GLB1L3: variants seen among roughly 807,000 people sequenced by gnomAD.
GLB1L3 encodes beta-galactosidase-1-like protein 3.
In GLB1L3, 89 loss-of-function variants were observed where a neutral mutation model predicts 89.5. The ratio of observed to expected loss-of-function variants is 0.99; its 90% CI spans 0.84 to 1.19. The LOEUF (loss-of-function observed/expected upper bound fraction) is 1.19. Ranked by LOEUF, GLB1L3 falls within the 50% of genes most tolerant of loss-of-function variation. The pLI is 0.00. For synonymous variants in GLB1L3, 314 were observed against 312.3 expected (o/e 1.01, Z -0.06); for missense variants, 812 against 813.3 (o/e 1.00, Z 0.02).
intron 6 of GLB1L3, among the ~76,000 whole-genome samples, chr11:134,288,205 A>G (rs1302787139): frequency 6.6e-6 from 1 of 152,214 alleles, no homozygotes; most frequent in Non-Finnish European, 1.5e-5. Flanking sequence ...AAAGCAAGAA[A>G]GCAGGAGATG....
At chr11:134,320,582 T>G (rs1158036735), downstream of GLB1L3, among the ~76,000 whole-genome samples, 1 of 152,218 alleles carries the variant, frequency 6.6e-6, no homozygotes, top group African/African-American at 2.4e-5. Flanking sequence ...TGGCACCTCC[T>G]CTTTCGCTAC....
At position 134,309,726 on chromosome 11, in the gene GLB1L3, A is replaced by G. The variant is rs149051960; in HGVS notation, c.1062A>G (p.Thr354=). ...ACTTTGGTTTCATGAACGGGGCCAC[A>G]TATTTCGGGAAGCACTCGGGCATTG... is the stretch of plus-strand genomic sequence containing the variant. ...GTNFGFMNGA[T]YFGKHSGIVT... Residue 354 remains threonine (T), a synonymous_variant, in exon 11 of 20, where the codon ACA becomes ACG. Coordinates refer to ENST00000431683, the MANE Select transcript of GLB1L3 (RefSeq NM_001080407.3). 5.0e-6 allele frequency: 8 copies of G among 1,613,596 alleles called. No homozygotes were observed. In the East Asian group the frequency reaches 6.7e-5, roughly 13 times the overall value.
intron 14 of GLB1L3, 138 bp downstream of exon 14, chr11:134,312,627 C>A: frequency 8.6e-7 from 1 of 1,166,314 alleles, no homozygotes; most frequent in Non-Finnish European, 1.2e-6. Flanking sequence ...AAAAGTCAGG[C>A]CAAATAGACT....
intron 9 of GLB1L3, among the ~76,000 whole-genome samples, chr11:134,303,064 G>A (rs1186205516): frequency 6.6e-6 from 1 of 152,166 alleles, no homozygotes. Context: ...TCATGGACAT[G>A]AAATTTTATC....
Position 134,293,150 on chromosome 11 carries a change from G to A in GLB1L3, c.817G>A (p.Ala273Thr). The A allele has an allele frequency of 6.2e-7, 1 of 1,613,576 alleles. No homozygotes were observed. The highest frequency in any genetic ancestry group is 1.3e-5 in the African/African-American group (1 of 75,000). ...TCTCTCTCTTCTTTATGCAGTGTTGGCCGCCATCAATTTGCAAAAACTTCA... is the reference window on the plus strand; with the variant it reads ...TCTCTCTCTTCTTTATGCAGTGTTGACCGCCATCAATTTGCAAAAACTTCA... ...VLSGHTKGVLAAINLQKLHQD... is the reference protein window; with the variant it reads ...VLSGHTKGVLTAINLQKLHQD... The change falls in exon 9 of 20, where the codon GCC (alanine) becomes ACC (threonine). Residue 273 changes from alanine (A) to threonine (T), a missense_variant. Transcript: ENST00000431683.
intron 10 of GLB1L3, among the ~76,000 whole-genome samples, chr11:134,308,486 CCA>C (rs1942484091): frequency 5.3e-4 from 5 of 9,420 alleles, no homozygotes; most frequent in Admixed American, 1.2e-3. Context: ...ACCACCACCA[CCA>C]TCACCACCAA....
intron 10 of GLB1L3, among the ~76,000 whole-genome samples, chr11:134,308,472 A>AC (rs761214840): frequency 2.0e-4 from 1 of 5,080 alleles, no homozygotes; most frequent in Non-Finnish European, 4.0e-4. Context: ...CACCACCACC[A>AC]AATACCACCA....
At chr11:134,291,084 T>G (rs750683160) in intron 7 of GLB1L3, among the ~76,000 whole-genome samples, 19 of 152,044 alleles carry the variant, frequency 1.2e-4, no homozygotes, top group Non-Finnish European at 2.5e-4. Context: ...TTCAAACCCG[T>G]GTCTAGCTCC....
rs754622738 is a variant in GLB1L3, at chr11:134,293,129, T to G, written c.812-16T>G. 1.9e-6 allele frequency: 3 copies of G among 1,612,200 alleles called. No homozygotes were observed. The highest frequency in any genetic ancestry group is 1.7e-6 in the Non-Finnish European group (2 of 1,178,440). ...TTGTCTCATGCCTCAGCTGGGTCTC[T>G]CTCTTCTTTATGCAGTGTTGGCCGC... is the stretch of plus-strand genomic sequence containing the variant. On this transcript the variant is annotated splice_polypyrimidine_tract_variant and intron_variant, in intron 8 of 19. Transcript: ENST00000431683.
At chr11:134,324,195 T>G (rs1192063315), downstream of GLB1L3, among the ~76,000 whole-genome samples, 1 of 152,242 alleles carries the variant, frequency 6.6e-6, no homozygotes, top group Non-Finnish European at 1.5e-5. Context: ...CATACCAAAC[T>G]TAATCTACCG....
At position 134,308,446 on chromosome 11, in the gene GLB1L3, TCAC is replaced by T. The variant is rs1164537686; in HGVS notation, c.962-1156_962-1154del. On this transcript the variant is annotated intron_variant, in intron 10 of 19. Transcript: ENST00000431683. ...ATCACCATCACCACCACCACCACCA[TCAC>T]CACCACCACCACCACCACCACCAAA... 6.8e-3 allele frequency among the ~76,000 whole-genome samples: 113 copies of T among 16,724 alleles called. 1 individual carries two copies. The highest frequency in any genetic ancestry group is 0.024 in the African/African-American group (61 of 2,568). The allele number at this position is 16,724 out of a possible 152,430, so 11.0% of individuals were successfully genotyped here.
intron 9 of GLB1L3, 68 bp from the exon 10 acceptor site, chr11:134,307,056 A>C: frequency 2.7e-6 from 3 of 1,110,122 alleles, no homozygotes; most frequent in Non-Finnish European, 4.0e-6. Context: ...CATCTATTGC[A>C]TTCAGGTTTT....
rs1941704840 is a variant in GLB1L3, at chr11:134,297,371, C to T, written c.876+4162C>T. Among the ~76,000 whole-genome samples, 2 of 152,170 alleles carry T rather than the reference C, an allele frequency of 1.3e-5. 1 individual carries two copies. Among genetic ancestry groups the T allele is most frequent in the South Asian group, 4.1e-4 (2 of 4,836 alleles). ...TAAGATAATGTGGCTACATCATTCA[C>T]ATTTAAAGTAGTTATTGATATGGTT... On this transcript the variant is annotated intron_variant, in intron 9 of 19. Coordinates refer to ENST00000431683, the MANE Select transcript of GLB1L3 (RefSeq NM_001080407.3).
chr11:134,304,187 C>T (rs181425292), intron 9 of GLB1L3, among the ~76,000 whole-genome samples: 70 of 152,198 alleles, frequency 4.6e-4, no homozygotes, highest in Non-Finnish European at 1.3e-4. Flanking sequence ...CTCAAATGTG[C>T]TGGGTATCTC....
intron 9 of GLB1L3, among the ~76,000 whole-genome samples, chr11:134,300,394 G>A (rs1941877784): frequency 1.3e-5 from 2 of 148,620 alleles, no homozygotes; most frequent in Non-Finnish European, 3.0e-5. Context: ...GTGCAGTGGT[G>A]TGAACTCGGC....
intron 6 of GLB1L3, chr11:134,287,294 C>G (rs1941069593): frequency 6.6e-6 from 1 of 152,192 alleles, no homozygotes; most frequent in Non-Finnish European, 1.5e-5. Flanking sequence ...GTGGGAAATG[C>G]TAGGAAACTT....
At chr11:134,303,428 G>T (rs1942041575) in intron 9 of GLB1L3, among the ~76,000 whole-genome samples, 1 of 151,886 alleles carries the variant, frequency 6.6e-6, no homozygotes, top group Non-Finnish European at 1.5e-5. Context: ...TTACAATCTT[G>T]GCTTCTTTTT....
chr11:134,312,196 A>G (rs1194638309), intron 13 of GLB1L3, 153 bp from the exon 14 acceptor site: 1 of 777,988 alleles, frequency 1.3e-6, no homozygotes, highest in Non-Finnish European at 2.0e-6. Flanking sequence ...TGGAGACGTA[A>G]GCACAGAGCA....
intron 6 of GLB1L3, among the ~76,000 whole-genome samples, chr11:134,284,830 C>T (rs1427052363): frequency 6.6e-6 from 1 of 152,046 alleles, no homozygotes; most frequent in Non-Finnish European, 1.5e-5. Flanking sequence ...CTTGCACCCC[C>T]CATTCCGTGT....
Sources: gnomAD v4.1 joint callset for allele counts (sites outside exome capture counted in the v4.1 genomes callset) on GRCh38, gnomAD v4.1.1 for gene constraint, MANE v1.5 for transcripts, NCBI Gene and HGNC (gene_info 2026-07-23, HGNC 2026-07-21) for gene names.